Variants in FAM184A observed in about 807,000 individuals in gnomAD.
FAM184A encodes the protein family with sequence similarity 184 member A.
A neutral mutation model predicts 143.8 loss-of-function variants in FAM184A; 99 were observed. The observed-to-expected ratio is 0.69, with a 90% CI of 0.58 to 0.81. The LOEUF is 0.81. Ranked by LOEUF, FAM184A falls within the 40% of genes least tolerant of loss-of-function variation. FAM184A has a pLI of 0.00. For missense variants in FAM184A, 1,217 were observed against 1,310.5 expected (o/e 0.93, Z 1.10); for synonymous variants, 427 against 446.4 (o/e 0.96, Z 0.55).
At chr6:119,135,803 T>C (rs530039819) in intron 1 of FAM184A, among the ~76,000 whole-genome samples, 1 of 152,278 alleles carries the variant, frequency 6.6e-6, no homozygotes, top group East Asian at 1.9e-4. Context: ...TGAAATTGAT[T>C]CACCAGGTGA....
intron 1 of FAM184A, among the ~76,000 whole-genome samples, chr6:119,038,568 G>C (rs933872062): frequency 6.6e-5 from 10 of 152,142 alleles, no homozygotes; most frequent in African/African-American, 2.4e-4. Flanking sequence ...GCAACGTCAG[G>C]AAGTTACCCT....
intron 1 of FAM184A, among the ~76,000 whole-genome samples, chr6:119,114,413 C>T (rs911113801): frequency 6.6e-6 from 1 of 152,238 alleles, no homozygotes; most frequent in African/African-American, 2.4e-5. Flanking sequence ...CACTAGCCTC[C>T]TAACCTTCCA....
chr6:119,011,132 A>G (rs1223107868), intron 6 of FAM184A, 177 bp downstream of exon 6: 4 of 529,512 alleles, frequency 7.6e-6, no homozygotes, highest in Non-Finnish European at 9.6e-6. Context: ...AGTAAATTTT[A>G]CCTGGTGGAA....
intron 1 of FAM184A, among the ~76,000 whole-genome samples, chr6:119,099,530 C>T (rs781675787): frequency 6.6e-6 from 1 of 152,090 alleles, no homozygotes; most frequent in Admixed American, 6.5e-5. Context: ...GGTCCTGCTC[C>T]GTATCCTGGA....
chr6:119,067,802 A>C (rs988488699), intron 1 of FAM184A, among the ~76,000 whole-genome samples: 3 of 152,100 alleles, frequency 2.0e-5, no homozygotes, highest in African/African-American at 7.2e-5. Flanking sequence ...TGTAGACTAT[A>C]TATCCATCAG....
At chr6:119,139,804 C>A (rs114349747) in intron 1 of FAM184A, among the ~76,000 whole-genome samples, 2,468 of 152,320 alleles carry the variant, frequency 0.016, 66 homozygotes, top group African/African-American at 0.053. Context: ...GTTGTCTTCA[C>A]GTCCTCTTTT....
At position 119,109,759 on chromosome 6, in the gene FAM184A, T is replaced by A. The variant is rs149124726; in HGVS notation, c.-202+39319A>T. Among the ~76,000 whole-genome samples, 9 of 152,362 alleles carry A rather than the reference T, an allele frequency of 5.9e-5. No individual in the cohort carries two copies. The East Asian group carries it at 1.7e-3, about 29-fold the overall frequency. On this transcript the variant is annotated intron_variant, in intron 1 of 16. Transcript: ENST00000352896. The stretch of plus-strand genomic sequence containing the variant: ...TTATTTAAAATAGCTCTGCTATTTA[T>A]TATTTATTATCCTCTTCTCCTACTT...
chr6:118,982,745 T>C (rs913101812), intron 9 of FAM184A, among the ~76,000 whole-genome samples: 8 of 152,188 alleles, frequency 5.3e-5, no homozygotes, highest in Non-Finnish European at 1.0e-4. Context: ...ATACGTTAAT[T>C]TGACTCACGT....
intron 3 of FAM184A, 64 bp downstream of exon 3, chr6:119,022,881 A>T (rs1562477509): frequency 3.8e-6 from 6 of 1,598,458 alleles, no homozygotes; most frequent in East Asian, 2.2e-5. Flanking sequence ...TGTCTCCAAA[A>T]AAATAAATAA....
At chr6:119,039,047 T>C (rs905322440) in intron 1 of FAM184A, among the ~76,000 whole-genome samples, 1 of 152,186 alleles carries the variant, frequency 6.6e-6, no homozygotes, top group Admixed American at 6.5e-5. Context: ...GGCAAATAAG[T>C]ATATGAAAAT....
intron 9 of FAM184A, among the ~76,000 whole-genome samples, chr6:118,981,953 G>T (rs962127308): frequency 1.3e-5 from 2 of 152,128 alleles, no homozygotes; most frequent in East Asian, 3.9e-4. Flanking sequence ...TGGAGCCAAG[G>T]TGGAACTGCA....
In FAM184A at chr6:119,078,255, G is replaced by A. The variant is rs1386969852; in HGVS notation, c.45C>T (p.Gly15=). ...GCGAGGGCGCGAATTTGGCCGCCGAGCCGCCGTAATAGTGCTGCTGCCAGC... is the reference window on the plus strand; with the variant it reads ...GCGAGGGCGCGAATTTGGCCGCCGAACCGCCGTAATAGTGCTGCTGCCAGC... ...GMSWQQHYYG[G]SAAKFAPSPA... The change falls in exon 1 of 18, where the codon GGC becomes GGT. Residue 15 remains glycine, a synonymous_variant. Coordinates refer to ENST00000338891, the MANE Select transcript of FAM184A (RefSeq NM_024581.6). The surrounding 1 kb of genome is among the most constrained non-coding windows in gnomAD (Gnocchi z 5.5). 4 of 1,524,286 alleles carry A rather than the reference G, an allele frequency of 2.6e-6. No homozygotes were observed. Among genetic ancestry groups the A allele is most frequent in the Middle Eastern group, 1.7e-4 (1 of 5,848 alleles). 94.4% of individuals were successfully genotyped at this position (1,524,286 alleles called of 1,614,324 possible). A position where few individuals can be genotyped will look rare whatever the true frequency, so the allele number is the denominator to read the frequency against.
At chr6:119,108,929 C>A (rs1442239697) in intron 1 of FAM184A, among the ~76,000 whole-genome samples, 9 of 152,196 alleles carry the variant, frequency 5.9e-5, no homozygotes, top group Non-Finnish European at 1.3e-4. Context: ...TGACTCAATA[C>A]TACAAACCTA....
chr6:119,006,955 A>G (rs548648380), intron 6 of FAM184A, among the ~76,000 whole-genome samples: 2 of 152,216 alleles, frequency 1.3e-5, no homozygotes, highest in African/African-American at 2.4e-5. Context: ...TTAGATAAAA[A>G]TATCTTAAAA....
chr6:119,110,274 C>T (rs6569048), intron 1 of FAM184A, among the ~76,000 whole-genome samples: 94,736 of 151,922 alleles, frequency 0.62, 30,296 homozygotes, highest in East Asian at 0.96. Flanking sequence ...ATGGCTGTCC[C>T]ACCTTTAGTT....
intron 1 of FAM184A, among the ~76,000 whole-genome samples, chr6:119,065,549 T>A (rs1265198793): frequency 1.3e-5 from 2 of 152,198 alleles, no homozygotes; most frequent in Non-Finnish European, 2.9e-5. Context: ...CTTATCTCAG[T>A]CAACGTTAAT....
rs1472527194 is a variant in FAM184A at position 118,975,088 on chromosome 6, T to C, written c.2704A>G (p.Lys902Glu). 1 of 1,613,598 alleles carries C rather than the reference T, an allele frequency of 6.2e-7. No individual in the cohort carries two copies. ...HLHENISALT[K>E]ELEFKGKEIL... ...TCTTTCCCCTTAAATTCCAGTTCTT[T>C]GGTTAGGGCACTTATATTCTCATGA... The change falls in exon 13 of 18, where the codon AAA becomes GAA. Residue 902 changes from lysine to glutamate, a missense_variant. By Grantham distance (56) the Lys-to-Glu change is moderately conservative. Coordinates refer to ENST00000338891, the MANE Select transcript of FAM184A (RefSeq NM_024581.6).
chr6:119,114,322 A>G (rs1582628427), intron 1 of FAM184A, among the ~76,000 whole-genome samples: 1 of 151,864 alleles, frequency 6.6e-6, no homozygotes, highest in Non-Finnish European at 1.5e-5. Context: ...TTATTTGGCA[A>G]CCCTCTATTG....
chr6:119,067,013 T>C (rs2114779203), intron 1 of FAM184A, among the ~76,000 whole-genome samples: 1 of 152,358 alleles, frequency 6.6e-6, no homozygotes, highest in South Asian at 2.1e-4. Flanking sequence ...ATGAAAGATT[T>C]TATTTAAACT....
Sources: allele counts gnomAD v4.1 joint callset (sites outside exome capture counted in the v4.1 genomes callset), GRCh38; gene constraint gnomAD v4.1.1; non-coding constraint Gnocchi (gnomAD v3.1); transcripts MANE v1.5; gene names NCBI Gene and HGNC (gene_info 2026-07-23, HGNC 2026-07-21).